Variants in SLC6A4 observed in about 807,000 individuals in gnomAD.
SLC6A4 encodes the protein solute carrier family 6 member 4.
In SLC6A4, 22 loss-of-function variants were observed where a neutral mutation model predicts 73.4. That is an observed-to-expected ratio of 0.30 (90% confidence interval 0.21 to 0.43). The LOEUF (loss-of-function observed/expected upper bound fraction) is 0.43. Ranked by LOEUF, SLC6A4 falls within the 20% of genes least tolerant of loss-of-function variation. SLC6A4 has a pLI of 1.00. For synonymous variants in SLC6A4, 270 were observed against 315.5 expected, an observed-to-expected ratio of 0.86 and a Z score of 1.53; for missense variants, 593 against 808.5, an observed-to-expected ratio of 0.73 and a Z score of 3.23.
In SLC6A4 at chr17:30,207,963, G is replaced by A. The variant is rs55684948; in HGVS notation, c.1550-131C>T. 3,733 of 656,202 alleles carry A rather than the reference G, an allele frequency of 5.7e-3. 100 individuals are homozygous for A. The African/African-American group carries it at 0.059, about 10-fold the overall frequency. 40.6% of individuals were successfully genotyped at this position (656,202 alleles called of 1,614,324 possible). ...GAATGACAAGGGGAAATGACAAGCC[G>A]GAATTCCTACCCCGGACACACAGGG... On this transcript the variant is annotated intron_variant, in intron 12 of 14. Coordinates refer to ENST00000650711, the MANE Select transcript of SLC6A4 (RefSeq NM_001045.6).
intron 13 of SLC6A4, among the ~76,000 whole-genome samples, chr17:30,205,495 G>A (rs1242821642): frequency 6.6e-6 from 1 of 152,156 alleles, no homozygotes; most frequent in Non-Finnish European, 1.5e-5. Flanking sequence ...GCTTCTGGTA[G>A]GATGGGCTAG....
chr17:30,207,778 C>A lies in SLC6A4; in HGVS notation c.1604G>T (p.Trp535Leu), dbSNP rs777676943. 1.2e-6 allele frequency: 2 copies of A among 1,614,094 alleles called. No homozygotes were observed. Among genetic ancestry groups the A allele is most frequent in the Admixed American group, 1.7e-5 (1 of 60,020 alleles). ...GGCCACCCAGCAGATCCTCCAGAAC[C>A]ACCCCGGGCTGAAGCCGAGCATTTC... ...VKEMLGFSPG[W>L]FWRICWVAIS... is the part of the protein sequence containing the mutation. Residue 535 changes from tryptophan to leucine, a missense_variant, in exon 13 of 15, where the codon TGG becomes TTG. By Grantham distance (61) the Trp-to-Leu change is moderately conservative. Transcript: ENST00000650711.
chr17:30,229,482 T>G (rs1907022066), intron 1 of SLC6A4, among the ~76,000 whole-genome samples: 1 of 152,110 alleles, frequency 6.6e-6, no homozygotes, highest in African/African-American at 2.4e-5. Flanking sequence ...AAAACTAAAT[T>G]TAAGGAAAGA....
Position 30,217,427 on chromosome 17 carries a change from C to T in SLC6A4, c.699-123G>A, listed in dbSNP as rs76660319. 5 of 924,860 alleles carry T rather than the reference C, an allele frequency of 5.4e-6. No individual in the cohort carries two copies. In the East Asian group the frequency reaches 1.3e-4, roughly 24 times the overall value. 57.3% of individuals were successfully genotyped at this position (924,860 alleles called of 1,614,324 possible). On this transcript the variant is annotated intron_variant, in intron 5 of 14. Transcript: ENST00000650711. ...CACGGTGCTGCTAGGACCAAGTGGT[C>T]ACTGAGGCCCAGGAAGAGCTGGGAT...
At chr17:30,210,237 C>T (rs1597636430) in intron 11 of SLC6A4, among the ~76,000 whole-genome samples, 1 of 152,246 alleles carries the variant, frequency 6.6e-6, no homozygotes, top group South Asian at 2.1e-4. Flanking sequence ...AAAAGCAAAT[C>T]CTAATTTTCT....
At chr17:30,222,764 G>A (rs1051460295) in intron 2 of SLC6A4, 55 bp downstream of exon 2, 77 of 1,294,914 alleles carry the variant, frequency 5.9e-5, no homozygotes, top group South Asian at 1.1e-4. Context: ...GCCTTTCTGC[G>A]TTCCCATTAT....
intron 8 of SLC6A4, among the ~76,000 whole-genome samples, chr17:30,215,020 CT>C (rs759615386): frequency 2.0e-4 from 5 of 24,502 alleles, no homozygotes; most frequent in African/African-American, 4.0e-4. Flanking sequence ...TTCTTTCTTT[CT>C]TTTTTCTTTC....
intron 8 of SLC6A4, among the ~76,000 whole-genome samples, 171 bp downstream of exon 8, chr17:30,215,440 G>A (rs971336464): frequency 6.6e-6 from 1 of 152,192 alleles, no homozygotes; most frequent in African/African-American, 2.4e-5. Context: ...CTGGATGAGT[G>A]CTCTGGCCAT....
intron 1 of SLC6A4, among the ~76,000 whole-genome samples, 168 bp from the exon 2 acceptor site, chr17:30,223,083 C>T (rs1041904507): frequency 1.3e-5 from 2 of 152,202 alleles, no homozygotes; most frequent in Admixed American, 6.5e-5. Context: ...AGTCGTCAAA[C>T]GTGGGGTAGA....
chr17:30,228,278 G>A (rs1045497896), intron 1 of SLC6A4, among the ~76,000 whole-genome samples: 5 of 152,150 alleles, frequency 3.3e-5, no homozygotes, highest in African/African-American at 1.2e-4. Flanking sequence ...TGTTAAAACC[G>A]CTACTTCCTA....
At position 30,203,218 on chromosome 17, in the gene SLC6A4, G is replaced by T. The variant is rs757262209; in HGVS notation, c.1772C>A (p.Thr591Lys). 1 of 1,613,840 alleles carries T rather than the reference G, an allele frequency of 6.2e-7. No individual in the cohort carries two copies. The highest frequency in any genetic ancestry group is 1.1e-5 in the South Asian group (1 of 91,070). ...IGTSSFICIPTYIAYRLIITP... is the reference protein window; with the variant it reads ...IGTSSFICIPKYIAYRLIITP... ...GATGATCAACCGATAAGCTATATAT[G>T]TGGGGATGCAAATGAAAGATGAGGT... Residue 591 changes from threonine to lysine, a missense_variant, in exon 14 of 15, where the codon ACA (threonine) becomes AAA (lysine). By Grantham distance (78) the Thr-to-Lys change is moderately conservative (BLOSUM62 -1). Transcript: ENST00000650711.
Position 30,215,694 on chromosome 17 carries a change from A to T in SLC6A4, c.993T>A (p.Ala331=). 6.2e-7 allele frequency: 1 copy of T among 1,613,966 alleles called. No homozygotes were observed. Among genetic ancestry groups the T allele is most frequent in the Non-Finnish European group, 8.5e-7 (1 of 1,179,968 alleles). The change falls in exon 8 of 15, where the codon GCT becomes GCA. Residue 331 remains alanine, a synonymous_variant. Coordinates refer to ENST00000650711, the MANE Select transcript of SLC6A4 (RefSeq NM_001045.6). ...CCGGACCAAGAGAGAAGAAGATCTG[A>T]GCGGCTGCATCTATCCACACCTGGA... ...LETGVWIDAA[A]QIFFSLGPGF...
At chr17:30,223,556 G>A (rs553642131) in intron 1 of SLC6A4, among the ~76,000 whole-genome samples, 3 of 152,162 alleles carry the variant, frequency 2.0e-5, no homozygotes, top group Admixed American at 6.5e-5. Flanking sequence ...CAGTCACTAG[G>A]GTTTGGCGTT....
intron 4 of SLC6A4, 95 bp downstream of exon 4, chr17:30,218,698 CCTGA>C (rs2143015168): frequency 1.5e-6 from 2 of 1,296,476 alleles, no homozygotes; most frequent in East Asian, 2.3e-5. Flanking sequence ...ATGCCTAAGG[CCTGA>C]CTGATTCCAG....
chr17:30,228,610 C>T (rs1055434565), intron 1 of SLC6A4, among the ~76,000 whole-genome samples: 1 of 152,192 alleles, frequency 6.6e-6, no homozygotes, highest in Admixed American at 6.5e-5. Flanking sequence ...CAGGGATCTG[C>T]AGTTTTTAAC....
At chr17:30,223,027 G>A (rs535850923) in intron 1 of SLC6A4, 112 bp from the exon 2 acceptor site, 10 of 393,370 alleles carry the variant, frequency 2.5e-5, no homozygotes, top group East Asian at 7.2e-5. Flanking sequence ...TTTCACCGCC[G>A]TGGCCTGGGC....
intron 3 of SLC6A4, among the ~76,000 whole-genome samples, chr17:30,219,234 G>T: frequency 6.6e-6 from 1 of 152,162 alleles, no homozygotes; most frequent in East Asian, 1.9e-4. Context: ...AGAACGCTGG[G>T]CCACTTCCCC....
At chr17:30,230,045 A>AAAG (rs1189804200) in intron 1 of SLC6A4, among the ~76,000 whole-genome samples, 5,465 of 111,058 alleles carry the variant, frequency 0.049, 173 homozygotes, top group East Asian at 0.093. Flanking sequence ...GAAAAAGAAG[A>AAAG]AAGAAGAAGA....
chr17:30,201,864 T>C (rs1170248069), intron 14 of SLC6A4, among the ~76,000 whole-genome samples: 1 of 152,196 alleles, frequency 6.6e-6, no homozygotes, highest in African/African-American at 2.4e-5. Context: ...CCCAGCACTT[T>C]GGGAAGCTGA....
Sources: gnomAD v4.1 joint callset for allele counts (sites outside exome capture counted in the v4.1 genomes callset) on GRCh38, gnomAD v4.1.1 for gene constraint, MANE v1.5 for transcripts, NCBI Gene and HGNC (gene_info 2026-07-23, HGNC 2026-07-21) for gene names.